PLD3: variants seen among roughly 807,000 people sequenced by gnomAD.
The protein encoded by PLD3 is 5'-3' exonuclease PLD3.
PLD3 carries 31 observed loss-of-function variants against 58.4 expected under a neutral mutation model. That is an observed-to-expected ratio of 0.53 (90% CI 0.40 to 0.72). PLD3 has a LOEUF of 0.72. PLD3 is among the 30% of genes least tolerant of loss of function. The pLI is 0.00. For missense variants in PLD3, 595 were observed against 659.8 expected (o/e 0.90, Z 1.08); for synonymous variants, 264 against 273.4 (o/e 0.97, Z 0.34).
intron 9 of PLD3, 101 bp from the exon 10 acceptor site, chr19:40,374,380 A>AG: frequency 1.6e-6 from 2 of 1,255,536 alleles, no homozygotes; most frequent in Admixed American, 4.0e-5. Flanking sequence ...GGATTTGGTG[A>AG]GATCCACAGT....
Position 40,371,815 on chromosome 19 carries a change from A to G in PLD3, c.821A>G (p.Asn274Ser). ...TWPRFYDTRY[N>S]QETPMEICLN... ...CCCCGGTTCTATGACACCCGCTACA[A>G]CCAAGAGACACCAATGGAGATCTGC... Residue 274 changes from asparagine (N) to serine (S), a missense_variant, in exon 9 of 13, where the codon AAC (asparagine) becomes AGC (serine). Physicochemically the swap from Asn to Ser is conservative, Grantham distance 46 (BLOSUM62 1). Transcript: ENST00000409735. 1 of 1,614,090 alleles carries G rather than the reference A, an allele frequency of 6.2e-7. No homozygotes were observed. The highest frequency in any genetic ancestry group is 1.1e-5 in the South Asian group (1 of 91,078).
At position 40,369,986 on chromosome 19, in the gene PLD3, G is replaced by A. The variant is rs1167749701; in HGVS notation, c.508G>A (p.Gly170Arg). The change falls in exon 7 of 13, where the codon GGG becomes AGG. Residue 170 changes from glycine to arginine, a missense_variant. Coordinates refer to ENST00000409735, the MANE Select transcript of PLD3 (RefSeq NM_012268.4). ...CCGCATCGCTGTGAGCAAGCCCAGC[G>A]GGCCCCAGCCACAGGCGGACCTGCA... is the stretch of plus-strand genomic sequence containing the variant. ...NVRIAVSKPSGPQPQADLQAL... is the reference protein window; with the variant it reads ...NVRIAVSKPSRPQPQADLQAL... The A allele has an allele frequency of 2.6e-6, 4 of 1,560,172 alleles. No homozygotes were observed. The highest frequency in any genetic ancestry group is 2.4e-5 in the East Asian group (1 of 41,662).
intron 6 of PLD3, among the ~76,000 whole-genome samples, chr19:40,369,392 A>G (rs1164913544): frequency 6.6e-6 from 1 of 152,130 alleles, no homozygotes; most frequent in African/African-American, 2.4e-5. Flanking sequence ...AACAAAAACA[A>G]AATCCCACTC....
In PLD3 at chr19:40,378,257, C is replaced by A; in HGVS notation, c.*84C>A. The A allele has an allele frequency of 1.6e-6, 2 of 1,239,800 alleles. No homozygotes were observed. The highest frequency in any genetic ancestry group is 2.3e-6 in the Non-Finnish European group (2 of 852,636). 76.8% of individuals were successfully genotyped at this position (1,239,800 alleles called of 1,614,324 possible). ...GGTCACGGTCCCTGTCCCCGCGCCCCCGCTTCTGTCTGCCCCATTGTGGCT... is the reference window on the plus strand; with the variant it reads ...GGTCACGGTCCCTGTCCCCGCGCCCACGCTTCTGTCTGCCCCATTGTGGCT... On this transcript the variant is annotated 3_prime_UTR_variant, in exon 13 of 13. Coordinates refer to ENST00000409735, the MANE Select transcript of PLD3 (RefSeq NM_012268.4).
intron 10 of PLD3, 33 bp from the exon 11 acceptor site, chr19:40,376,576 A>T (rs746522438): frequency 1.3e-6 from 2 of 1,595,364 alleles, no homozygotes; most frequent in Admixed American, 3.4e-5. Context: ...CGCCCTCTGC[A>T]TCCTGCCCCA....
intron 1 of PLD3, among the ~76,000 whole-genome samples, chr19:40,362,885 C>T (rs182822054): frequency 6.6e-5 from 10 of 152,240 alleles, no homozygotes; most frequent in South Asian, 2.1e-4. Context: ...ACAATTTGAA[C>T]GAAGTCCATC....
chr19:40,375,178 AAG>A (rs1385825222), intron 10 of PLD3, among the ~76,000 whole-genome samples: 1 of 151,878 alleles, frequency 6.6e-6, no homozygotes, highest in Non-Finnish European at 1.5e-5. Flanking sequence ...AACAAAAAAA[AAG>A]AGAAGGCTCA....
intron 10 of PLD3, chr19:40,374,937 C>G (rs1044096273): frequency 3.1e-6 from 1 of 318,634 alleles, no homozygotes; most frequent in East Asian, 7.1e-5. Flanking sequence ...GGGTGGATCA[C>G]TTGAGGTCAG....
At chr19:40,376,409 G>T in intron 10 of PLD3, 200 bp from the exon 11 acceptor site, 1 of 548,028 alleles carries the variant, frequency 1.8e-6, no homozygotes. Flanking sequence ...TTGGGGAGCA[G>T]GAATGGGAGC....
intron 8 of PLD3, 108 bp from the exon 9 acceptor site, chr19:40,371,565 A>T (rs1029674003): frequency 1.5e-6 from 1 of 667,178 alleles, no homozygotes; most frequent in Non-Finnish European, 2.6e-6. Flanking sequence ...GCTGGGGTGG[A>T]GGGGGTACTG....
intron 1 of PLD3, among the ~76,000 whole-genome samples, chr19:40,365,086 C>T (rs2078884480): frequency 6.6e-6 from 1 of 152,238 alleles, no homozygotes; most frequent in South Asian, 2.1e-4. Context: ...TACTCCTTTT[C>T]TGCAGTTATC....
intron 9 of PLD3, among the ~76,000 whole-genome samples, chr19:40,372,398 G>A (rs2079087565): frequency 6.6e-6 from 1 of 152,114 alleles, no homozygotes; most frequent in Admixed American, 6.6e-5. Flanking sequence ...GCAGGAGGCT[G>A]AGGCAGGGGG....
Position 40,376,819 on chromosome 19 carries a change from T to C in PLD3, c.1185+45T>C, listed in dbSNP as rs760820342. ...ACCCCTTGGCCCCTGTGTGGGGCAG[T>C]CCTAGGGACACAGCCCTCATGGGAC... On this transcript the variant is annotated intron_variant, in intron 11 of 12. Transcript: ENST00000409735. 9.0e-6 allele frequency: 14 copies of C among 1,548,722 alleles called. No homozygotes were observed. The East Asian group carries it at 3.2e-4, about 35-fold the overall frequency.
chr19:40,369,824 C>A, intron 6 of PLD3, 84 bp from the exon 7 acceptor site: 1 of 1,316,568 alleles, frequency 7.6e-7, no homozygotes, highest in South Asian at 1.5e-5. Flanking sequence ...CTAATCATGT[C>A]TCAAAATAAC....
chr19:40,355,639 C>G (rs1600265166), intron 1 of PLD3, among the ~76,000 whole-genome samples: 1 of 102,662 alleles, frequency 9.7e-6, no homozygotes, highest in Middle Eastern at 8.2e-3. Context: ...TTTTTTTTTC[C>G]TGCAATCTCA....
intron 1 of PLD3, among the ~76,000 whole-genome samples, chr19:40,351,510 A>T (rs1265756643): frequency 6.6e-6 from 1 of 152,086 alleles, no homozygotes; most frequent in African/African-American, 2.4e-5. Context: ...GCGCCATTGC[A>T]CTCCAGCCTG....
Position 40,370,026 on chromosome 19 carries a change from G to T in PLD3, c.548G>T (p.Ser183Ile). Residue 183 changes from serine (S) to isoleucine (I), a missense_variant and splice_region_variant, in exon 7 of 13, where the codon AGC becomes ATC. Ser to Ile is a moderately radical substitution (Grantham distance 142, BLOSUM62 -2). Transcript: ENST00000409735. ...PQADLQALLQ[S>I]GAQVRMVDMQ... ...GCGGACCTGCAGGCTCTGCTGCAGAGCGGTGAGCTGGGGCCCAACTGGGGC... is the reference window on the plus strand; with the variant it reads ...GCGGACCTGCAGGCTCTGCTGCAGATCGGTGAGCTGGGGCCCAACTGGGGC... The T allele has an allele frequency of 6.4e-7, 1 of 1,564,176 alleles. No homozygotes were observed.
intron 1 of PLD3, among the ~76,000 whole-genome samples, chr19:40,361,762 C>G (rs573634633): frequency 1.3e-5 from 2 of 151,988 alleles, no homozygotes; most frequent in African/African-American, 2.4e-5. Context: ...CAATTCCACC[C>G]CCACCCCCTT....
At chr19:40,355,957 G>T (rs1177534167) in intron 1 of PLD3, 1 of 152,152 alleles carries the variant, frequency 6.6e-6, no homozygotes, top group Non-Finnish European at 1.5e-5. Flanking sequence ...CATTCATGAT[G>T]CTTTCTTGGA....
Sources: gnomAD v4.1 joint callset for allele counts (sites outside exome capture counted in the v4.1 genomes callset) on GRCh38, gnomAD v4.1.1 for gene constraint, MANE v1.5 for transcripts, NCBI Gene and HGNC (gene_info 2026-07-23, HGNC 2026-07-21) for gene names.